The following JAKMIP3 variants were observed in gnomAD, a reference collection of about 807,000 sequenced individuals.
JAKMIP3 encodes Janus kinase and microtubule interacting protein 3.
In JAKMIP3, 58 loss-of-function variants were observed where a neutral mutation model predicts 118.5. The ratio of observed to expected loss-of-function variants is 0.49; its 90% CI spans 0.40 to 0.61. The LOEUF (loss-of-function observed/expected upper bound fraction) is 0.61. Ranked by LOEUF, JAKMIP3 falls within the 20% of genes least tolerant of loss-of-function variation. The probability of loss-of-function intolerance (pLI) is 0.00; values close to 1 mark genes in which losing one functional copy is unlikely to be tolerated. For synonymous variants in JAKMIP3, 486 were observed against 451.2 expected (o/e 1.08, Z -0.98); for missense variants, 950 against 1,109.0 (o/e 0.86, Z 2.04).
chr10:132,143,190 G>A (rs535169273), intron 11 of JAKMIP3, among the ~76,000 whole-genome samples: 14 of 151,744 alleles, frequency 9.2e-5, no homozygotes, highest in Admixed American at 2.0e-4. Flanking sequence ...CCTCAGGCTC[G>A]GAGAGATTTG....
chr10:132,121,213 G>A (rs1383430920), intron 3 of JAKMIP3, among the ~76,000 whole-genome samples: 3 of 152,136 alleles, frequency 2.0e-5, no homozygotes, highest in Admixed American at 6.5e-5. Flanking sequence ...CCCAGGGCAG[G>A]ACAGTGGCCT....
At chr10:132,068,017 ATGGGCTTCCGTGTGGACTG>A (rs1317347956) in intron 1 of JAKMIP3, among the ~76,000 whole-genome samples, 54 of 62,730 alleles carry the variant, frequency 8.6e-4, no homozygotes, top group African/African-American at 2.2e-3. Context: ...GGACTGGACT[ATGGGCTTCCGTGTGGACTG>A]TGGGCTTCCG....
rs139543841 is a variant in JAKMIP3 at position 132,037,923 on chromosome 10, C to T, written c.-138+1185C>T. On this transcript the variant is annotated intron_variant, in intron 1 of 23. Transcript: ENST00000657785. ...GTACCAATTGGCCCCGAGTCGGTTG[C>T]AGCCTTTGCCACAAATCTGGAAGAA... 1.3e-3 allele frequency among the ~76,000 whole-genome samples: 204 copies of T among 152,360 alleles called. 2 individuals are homozygous for T. Among genetic ancestry groups the T allele is most frequent in the South Asian group, 6.2e-3 (30 of 4,830 alleles).
chr10:132,152,878 C>A, intron 16 of JAKMIP3, 80 bp from the exon 17 acceptor site: 1 of 1,170,702 alleles, frequency 8.5e-7, no homozygotes, highest in Non-Finnish European at 1.2e-6. Context: ...CCCCAGTCAG[C>A]TTCCCCATGC....
At chr10:132,104,091 C>T (rs1053807388) in intron 1 of JAKMIP3, among the ~76,000 whole-genome samples, 7 of 152,298 alleles carry the variant, frequency 4.6e-5, no homozygotes, top group African/African-American at 9.6e-5. Flanking sequence ...TATTCTGCTA[C>T]GTGGATATTC....
In JAKMIP3 at chr10:132,140,699, T is replaced by C. The variant is rs766757160; in HGVS notation, c.1473+120T>C. ...GCCGGGTCCTGGGCTTGGCTGGGCA[T>C]GGGCTGCCGGCTTTTCACGGGGAAG... On this transcript the variant is annotated intron_variant, in intron 10 of 23. Coordinates refer to ENST00000684848, the MANE Select transcript of JAKMIP3 (RefSeq NM_001323087.2). 3.0e-4 allele frequency: 421 copies of C among 1,407,016 alleles called. 1 individual carries two copies. Among genetic ancestry groups the C allele is most frequent in the Non-Finnish European group, 3.6e-4 (385 of 1,081,308 alleles). The allele number at this position is 1,407,016 out of a possible 1,614,324, so 87.2% of individuals were successfully genotyped here.
chr10:132,153,866 T>C (rs1020499654), intron 18 of JAKMIP3, 39 bp downstream of exon 18: 2 of 1,612,154 alleles, frequency 1.2e-6, no homozygotes, highest in Non-Finnish European at 1.7e-6. Context: ...GGCTCGGTGC[T>C]GCAGGTGGGA....
chr10:132,133,594 G>A, intron 4 of JAKMIP3, 67 bp downstream of exon 4: 1 of 1,422,098 alleles, frequency 7.0e-7, no homozygotes, highest in Non-Finnish European at 9.6e-7. Flanking sequence ...TGGCTGCATG[G>A]CCCTGCATGG....
chr10:132,150,319 G>T (rs1261757057), intron 16 of JAKMIP3, among the ~76,000 whole-genome samples: 1 of 152,230 alleles, frequency 6.6e-6, no homozygotes, highest in East Asian at 1.9e-4. Flanking sequence ...TTCCATACTT[G>T]CCATGAGGAT....
intron 22 of JAKMIP3, 118 bp downstream of exon 22, chr10:132,167,173 AC>A: frequency 1.4e-6 from 1 of 727,256 alleles, no homozygotes; most frequent in Non-Finnish European, 2.3e-6. Flanking sequence ...GAAGGCGATG[AC>A]CCAGCATCCC....
At chr10:132,141,616 C>A (rs2053532597) in intron 10 of JAKMIP3, among the ~76,000 whole-genome samples, 1 of 152,134 alleles carries the variant, frequency 6.6e-6, no homozygotes, top group African/African-American at 2.4e-5. Context: ...CAGCTGAGCC[C>A]CTGGCCATGG....
intron 1 of JAKMIP3, among the ~76,000 whole-genome samples, chr10:132,059,145 C>G (rs779865791): frequency 6.6e-6 from 1 of 152,240 alleles, no homozygotes; most frequent in African/African-American, 2.4e-5. Context: ...AAAAGAACGT[C>G]CTGGGGCTTT....
intron 23 of JAKMIP3, chr10:132,169,909 G>A (rs879945158): frequency 6.5e-6 from 1 of 152,770 alleles, no homozygotes; most frequent in East Asian, 1.9e-4. Context: ...CCGTCTTGCA[G>A]GTCCCCTGGG....
chr10:132,107,388 C>T (rs528606061), intron 2 of JAKMIP3, among the ~76,000 whole-genome samples: 9 of 152,298 alleles, frequency 5.9e-5, no homozygotes, highest in Middle Eastern at 3.4e-3. Flanking sequence ...CCCCAGGTGC[C>T]GGCAAGGTTC....
Position 132,133,640 on chromosome 10 carries a change from C to A in JAKMIP3, c.849+113C>A. On this transcript the variant is annotated intron_variant, in intron 4 of 23. Coordinates refer to ENST00000684848, the MANE Select transcript of JAKMIP3 (RefSeq NM_001323087.2). Reference sequence around the variant, plus strand: ...CAGGAGACCAGAGCCCGAGTTGAGGCAGCACCCTCCTGCCTGGGCACCTCC... The same window carrying A: ...CAGGAGACCAGAGCCCGAGTTGAGGAAGCACCCTCCTGCCTGGGCACCTCC... The A allele has an allele frequency of 4.1e-6, 4 of 971,804 alleles. No homozygotes were observed. The South Asian group carries it at 4.7e-5, about 11-fold the overall frequency. The allele number at this position is 971,804 out of a possible 1,614,324, so 60.2% of individuals were successfully genotyped here. A position where few individuals can be genotyped will look rare whatever the true frequency, so the allele number is the denominator to read the frequency against.
At position 132,142,051 on chromosome 10, in the gene JAKMIP3, C is replaced by G; in HGVS notation, c.1602+3C>G. On this transcript the variant is annotated splice_donor_region_variant and intron_variant, in intron 11 of 23. Transcript: ENST00000684848. ...TGGACGCAGAGCGAGAAGTTAAGGT[C>G]TACGTGACTTCCACCGCGCGTTCCG... 1 of 1,573,966 alleles carries G rather than the reference C, an allele frequency of 6.4e-7. No individual in the cohort carries two copies. The highest frequency in any genetic ancestry group is 2.3e-5 in the East Asian group (1 of 43,832).
At chr10:132,107,962 A>G (rs569056691) in intron 2 of JAKMIP3, among the ~76,000 whole-genome samples, 11 of 152,284 alleles carry the variant, frequency 7.2e-5, no homozygotes, top group African/African-American at 2.6e-4. Context: ...AGGGCCCTTC[A>G]GGGAGATCCA....
At position 132,159,693 on chromosome 10, in the gene JAKMIP3, A is replaced by AGGGGGCCTCTCCCTGTGTGATGTTG. The variant is rs1564982048; in HGVS notation, c.2221-3494_2221-3493insTTGGGGGGCCTCTCCCTGTGTGATG. The stretch of plus-strand genomic sequence containing the variant: ...GGGGTCCTCTCCCTATGTGATGCTC[A>AGGGGGCCTCTCCCTGTGTGATGTTG]GGGGGCCTCTCCCTGTGTGATGCTG... On this transcript the variant is annotated intron_variant, in intron 19 of 23. Coordinates refer to ENST00000684848, the MANE Select transcript of JAKMIP3 (RefSeq NM_001323087.2). Among the ~76,000 whole-genome samples the AGGGGGCCTCTCCCTGTGTGATGTTG allele has an allele frequency of 3.1e-3, 115 of 37,232 alleles. 2 individuals are homozygous for AGGGGGCCTCTCCCTGTGTGATGTTG. Among genetic ancestry groups the AGGGGGCCTCTCCCTGTGTGATGTTG allele is most frequent in the Non-Finnish European group, 4.6e-3 (97 of 21,050 alleles). The allele number at this position is 37,232 out of a possible 152,430, so 24.4% of individuals were successfully genotyped here. A position where few individuals can be genotyped will look rare whatever the true frequency, so the allele number is the denominator to read the frequency against.
intron 1 of JAKMIP3, among the ~76,000 whole-genome samples, chr10:132,076,705 C>G (rs2040846697): frequency 6.7e-6 from 1 of 150,130 alleles, no homozygotes; most frequent in African/African-American, 2.5e-5. Flanking sequence ...GGCCCCGGGT[C>G]TTACCGTGTG....
Sources: gnomAD v4.1 joint callset for allele counts (sites outside exome capture counted in the v4.1 genomes callset) on GRCh38, gnomAD v4.1.1 for gene constraint, MANE v1.5 for transcripts, NCBI Gene and HGNC (gene_info 2026-07-23, HGNC 2026-07-21) for gene names.